The following SIPA1L1 variants were observed in gnomAD, a reference collection of about 807,000 sequenced individuals.
SIPA1L1 encodes the protein signal induced proliferation associated 1 like 1.
Under a neutral mutation model 162.7 loss-of-function variants are expected in SIPA1L1, and 26 were observed. The observed-to-expected ratio is 0.16, with a 90% CI of 0.12 to 0.22. The LOEUF (loss-of-function observed/expected upper bound fraction) is 0.22. SIPA1L1 is among the 10% of genes least tolerant of loss of function. The probability of loss-of-function intolerance (pLI) is 1.00; values close to 1 mark genes in which losing one functional copy is unlikely to be tolerated. For synonymous variants in SIPA1L1, 829 were observed against 837.4 expected (o/e 0.99, Z 0.17); for missense variants, 1,874 against 2,241.0 (o/e 0.84, Z 3.31).
At chr14:71,716,193 C>T (rs887919263) in intron 17 of SIPA1L1, among the ~76,000 whole-genome samples, 6 of 151,754 alleles carry the variant, frequency 4.0e-5, no homozygotes, top group South Asian at 2.1e-4. Context: ...GTGTTCCGTA[C>T]GGTACTCTAT....
At position 71,377,106 on chromosome 14, in the gene SIPA1L1, C is replaced by T. The variant is rs117385006; in HGVS notation, c.-465+55925C>T. 0.019 allele frequency among the ~76,000 whole-genome samples: 2,881 copies of T among 151,102 alleles called. 45 individuals carry two copies. Among genetic ancestry groups the T allele is most frequent in the Middle Eastern group, 0.048 (14 of 290 alleles). Reference sequence around the variant, plus strand: ...GGGGCTCCTCACTTTCCAGATGTGGCGGCCGGGCAGAGGGGCCCCCCCACC... The same window carrying T: ...GGGGCTCCTCACTTTCCAGATGTGGTGGCCGGGCAGAGGGGCCCCCCCACC... On this transcript the variant is annotated intron_variant, in intron 2 of 23. Coordinates refer to ENST00000381232, the MANE Select transcript of SIPA1L1 (RefSeq NM_001386936.1). The surrounding 1 kb of genome is among the most constrained non-coding windows in gnomAD (Gnocchi z 4.8).
intron 2 of SIPA1L1, among the ~76,000 whole-genome samples, chr14:71,359,692 A>C (rs1047083592): frequency 2.6e-5 from 4 of 152,168 alleles, no homozygotes; most frequent in Admixed American, 6.6e-5. Context: ...GGATGGCAAA[A>C]TCATCAGTTG....
At chr14:71,671,995 C>G (rs751565648) in intron 11 of SIPA1L1, among the ~76,000 whole-genome samples, 1 of 151,180 alleles carries the variant, frequency 6.6e-6, no homozygotes, top group Non-Finnish European at 1.5e-5. Flanking sequence ...GTGCTGCAGT[C>G]CAGTCATCTG....
chr14:71,484,854 T>C (rs771789303), intron 2 of SIPA1L1, among the ~76,000 whole-genome samples: 41 of 152,216 alleles, frequency 2.7e-4, no homozygotes, highest in Non-Finnish European at 6.0e-4. Flanking sequence ...ATTACTTTGC[T>C]TAATGCCTCC....
intron 2 of SIPA1L1, among the ~76,000 whole-genome samples, chr14:71,474,481 T>C (rs748485458): frequency 2.0e-5 from 3 of 152,174 alleles, no homozygotes; most frequent in Non-Finnish European, 4.4e-5. Context: ...TTTGAGTATC[T>C]CTTAGGTCCA....
intron 2 of SIPA1L1, among the ~76,000 whole-genome samples, chr14:71,461,421 G>A (rs1162660374): frequency 2.0e-5 from 3 of 152,136 alleles, no homozygotes; most frequent in Non-Finnish European, 4.4e-5. Flanking sequence ...CGGGTGGCTG[G>A]GGAAAGAGGC....
chr14:71,344,986 A>C (rs1474101674), intron 2 of SIPA1L1, among the ~76,000 whole-genome samples: 2 of 152,230 alleles, frequency 1.3e-5, no homozygotes, highest in Non-Finnish European at 2.9e-5. Context: ...TGTCATCTGC[A>C]CTGCACAGGA....
intron 2 of SIPA1L1, among the ~76,000 whole-genome samples, chr14:71,474,009 C>G (rs555765561): frequency 1.1e-4 from 17 of 152,306 alleles, no homozygotes; most frequent in African/African-American, 4.1e-4. Flanking sequence ...TTCCATAGTG[C>G]AAAGGGTCCT....
intron 5 of SIPA1L1, among the ~76,000 whole-genome samples, chr14:71,590,021 T>TAAA (rs200463823): frequency 1.2e-5 from 1 of 85,102 alleles, no homozygotes; most frequent in Non-Finnish European, 2.3e-5. Flanking sequence ...AGTGGGAGAG[T>TAAA]AAAAAAAAAA....
rs369019138 is a variant in SIPA1L1, at chr14:71,340,127, A to G, written c.-465+18946A>G. ...GTTTTAAACACTATGCTGTACTGATAATAAAAGATTTTCATCTGTTTCTCC... is the reference window on the plus strand; with the variant it reads ...GTTTTAAACACTATGCTGTACTGATGATAAAAGATTTTCATCTGTTTCTCC... On this transcript the variant is annotated intron_variant, in intron 2 of 23. Transcript: ENST00000381232. Among the ~76,000 whole-genome samples, 20 of 152,358 alleles carry G rather than the reference A, an allele frequency of 1.3e-4. No individual in the cohort carries two copies. The South Asian group carries it at 4.1e-3, about 32-fold the overall frequency.
intron 2 of SIPA1L1, among the ~76,000 whole-genome samples, chr14:71,491,960 G>C (rs375858219): frequency 7.2e-5 from 11 of 152,076 alleles, no homozygotes; most frequent in African/African-American, 2.2e-4. Flanking sequence ...ATGCTGTCCT[G>C]TTTCTGCTAA....
intron 2 of SIPA1L1, among the ~76,000 whole-genome samples, chr14:71,420,964 A>T (rs1595374052): frequency 6.6e-6 from 1 of 152,198 alleles, no homozygotes. Context: ...CAGCCTTCAC[A>T]CATCGCACGT....
intron 2 of SIPA1L1, among the ~76,000 whole-genome samples, chr14:71,336,430 T>A (rs925145900): frequency 6.6e-6 from 1 of 152,216 alleles, no homozygotes; most frequent in African/African-American, 2.4e-5. Context: ...TAGATTTGCC[T>A]CTTCTATGTG....
intron 4 of SIPA1L1, among the ~76,000 whole-genome samples, chr14:71,552,536 C>T (rs1000612420): frequency 1.6e-3 from 239 of 152,006 alleles, no homozygotes; most frequent in Non-Finnish European, 2.5e-3. Context: ...GGACTACAGG[C>T]GCCCGCCACC....
chr14:71,396,586 C>A (rs2041223248), intron 2 of SIPA1L1, among the ~76,000 whole-genome samples: 1 of 152,128 alleles, frequency 6.6e-6, no homozygotes, highest in African/African-American at 2.4e-5. Flanking sequence ...TCCAAGTGGT[C>A]AGTTATCTGA....
At chr14:71,733,614 G>A (rs2085006905) in intron 20 of SIPA1L1, 52 bp from the exon 21 acceptor site, 2 of 1,583,648 alleles carry the variant, frequency 1.3e-6, no homozygotes, top group South Asian at 2.3e-5. Flanking sequence ...TAAGTTTTGA[G>A]TGGCTCTTCC....
chr14:71,511,409 C>T (rs2051137145), intron 2 of SIPA1L1, among the ~76,000 whole-genome samples: 1 of 152,106 alleles, frequency 6.6e-6, no homozygotes, highest in Admixed American at 6.5e-5. Context: ...CTCAGCCTCC[C>T]TAGTAGCTGA....
intron 10 of SIPA1L1, among the ~76,000 whole-genome samples, chr14:71,662,152 T>C (rs2043584087): frequency 6.6e-6 from 1 of 152,222 alleles, no homozygotes; most frequent in African/African-American, 2.4e-5. Context: ...CATCAGTTCC[T>C]TTCAAAATAT....
chr14:71,475,595 T>C (rs1024623286), intron 2 of SIPA1L1, among the ~76,000 whole-genome samples: 1 of 152,154 alleles, frequency 6.6e-6, no homozygotes, highest in Non-Finnish European at 1.5e-5. Context: ...ATTGGGAACA[T>C]TTGAAAAATA....
Sources: allele counts gnomAD v4.1 joint callset (sites outside exome capture counted in the v4.1 genomes callset), GRCh38; gene constraint gnomAD v4.1.1; non-coding constraint Gnocchi (gnomAD v3.1); transcripts MANE v1.5; gene names NCBI Gene and HGNC (gene_info 2026-07-23, HGNC 2026-07-21).